GSN: variants seen among roughly 807,000 people sequenced by gnomAD.
GSN encodes gelsolin.
In GSN, 56 loss-of-function variants were observed where a neutral mutation model predicts 85.7. The ratio of observed to expected loss-of-function variants is 0.65; its 90% CI spans 0.53 to 0.82. The LOEUF (loss-of-function observed/expected upper bound fraction) is 0.82, where lower values mean the gene tolerates loss of function less well. GSN is among the 40% of genes least tolerant of loss of function. The pLI is 0.00. For missense variants in GSN, 857 were observed against 979.8 expected, an observed-to-expected ratio of 0.87 and a Z score of 1.67; for synonymous variants, 373 against 399.1, an observed-to-expected ratio of 0.93 and a Z score of 0.78.
chr9:121,310,161 G>T (rs2060926878), intron 4 of GSN: 2 of 169,608 alleles, frequency 1.2e-5, no homozygotes, highest in Non-Finnish European at 2.6e-5. Context: ...AGGCAAGCAG[G>T]TGTATTCACC....
intron 4 of GSN, among the ~76,000 whole-genome samples, chr9:121,229,473 G>A (rs190783506): frequency 3.3e-5 from 5 of 152,294 alleles, no homozygotes; most frequent in African/African-American, 9.6e-5. Flanking sequence ...ACCCGCCTCA[G>A]CTTCCCAAAG....
intron 2 of GSN, chr9:121,286,455 C>T (rs988195847): frequency 2.7e-6 from 2 of 727,676 alleles, no homozygotes; most frequent in African/African-American, 1.8e-5. Context: ...TTTACGCTTC[C>T]TTGTGCAGGC....
chr9:121,321,002 TG>T (rs2133745954), intron 10 of GSN, among the ~76,000 whole-genome samples: 1 of 152,288 alleles, frequency 6.6e-6, no homozygotes, highest in African/African-American at 2.4e-5. Flanking sequence ...CCTTTGGAGC[TG>T]CCTTGACGAT....
chr9:121,317,058 G>A (rs763572581), intron 7 of GSN, 28 bp from the exon 8 acceptor site: 2 of 1,613,818 alleles, frequency 1.2e-6, no homozygotes, highest in African/African-American at 1.3e-5. Context: ...ACACTCATGT[G>A]CTGGTTCCTT....
chr9:121,222,881 T>C (rs2054195268), intron 4 of GSN: 1 of 151,434 alleles, frequency 6.6e-6, no homozygotes, highest in South Asian at 2.1e-4. Context: ...AGTGTGTGGT[T>C]TGACCTTGGA....
intron 4 of GSN, among the ~76,000 whole-genome samples, chr9:121,215,417 G>A (rs1474964158): frequency 2.0e-5 from 3 of 151,924 alleles, no homozygotes; most frequent in Admixed American, 1.3e-4. Context: ...AAAATTGGCC[G>A]GATTGGTGGC....
Position 121,326,655 on chromosome 9 carries a change from C to G in GSN, c.1560C>G (p.Asn520Lys). ...ASTRLFQVRANSAGATRAVEV... is the reference protein window; with the variant it reads ...ASTRLFQVRAKSAGATRAVEV... Reference sequence around the variant, plus strand: ...CCCGCCTCTTCCAGGTCCGCGCCAACAGCGCTGGAGCCACCCGGGCTGTTG... The same window carrying G: ...CCCGCCTCTTCCAGGTCCGCGCCAAGAGCGCTGGAGCCACCCGGGCTGTTG... The change falls in exon 13 of 18, where the codon AAC (asparagine) becomes AAG (lysine). Residue 520 changes from asparagine (N) to lysine (K), a missense_variant. Physicochemically the swap from Asn to Lys is moderately conservative, Grantham distance 94 (BLOSUM62 0). Coordinates refer to ENST00000432226, the MANE Select transcript of GSN (RefSeq NM_198252.3). 6.2e-7 allele frequency: 1 copy of G among 1,608,790 alleles called. No homozygotes were observed. Among genetic ancestry groups the G allele is most frequent in the East Asian group, 2.2e-5 (1 of 44,690 alleles).
rs566768757 is a variant in GSN at position 121,248,968 on chromosome 9, C to T, written c.-341+645C>T. ...TTAAGAAAGATCATTTAGAGGCCATCGTGTAGTGGATGATTAGCACGAGAT... is the reference window on the plus strand; with the variant it reads ...TTAAGAAAGATCATTTAGAGGCCATTGTGTAGTGGATGATTAGCACGAGAT... On this transcript the variant is annotated intron_variant, in intron 6 of 24. Transcript: ENST00000373823. Among the ~76,000 whole-genome samples, 4 of 152,172 alleles carry T rather than the reference C, an allele frequency of 2.6e-5. No individual in the cohort carries two copies. The South Asian group carries it at 8.3e-4, about 32-fold the overall frequency.
chr9:121,322,219 C>T (rs1005028801), intron 11 of GSN, among the ~76,000 whole-genome samples: 1 of 151,970 alleles, frequency 6.6e-6, no homozygotes, highest in Admixed American at 6.6e-5. Context: ...AGTAACTCTT[C>T]GTGAAAAAAA....
chr9:121,310,676 C>A lies in GSN; in HGVS notation c.352-8C>A, dbSNP rs779179398. The A allele has an allele frequency of 3.1e-6, 5 of 1,613,854 alleles. No individual in the cohort carries two copies. Among genetic ancestry groups the A allele is most frequent in the Non-Finnish European group, 8.5e-7 (1 of 1,179,784 alleles). On this transcript the variant is annotated splice_polypyrimidine_tract_variant and splice_region_variant and intron_variant, in intron 4 of 17. Coordinates refer to ENST00000432226, the MANE Select transcript of GSN (RefSeq NM_198252.3). ...CCCTGGGCTAATGCTGTCTCTTTGG[C>A]CCCACAGAAAGGAGGTGTGGCATCA...
At chr9:121,302,445 G>A (rs1044553985) in intron 3 of GSN, among the ~76,000 whole-genome samples, 5 of 152,146 alleles carry the variant, frequency 3.3e-5, no homozygotes, top group African/African-American at 1.2e-4. Flanking sequence ...TGTTGTGAGC[G>A]TTAAACACCT....
chr9:121,288,046 C>G (rs958888320), intron 2 of GSN, among the ~76,000 whole-genome samples: 3 of 152,194 alleles, frequency 2.0e-5, no homozygotes, highest in Non-Finnish European at 4.4e-5. Flanking sequence ...CCCACCTCAG[C>G]CTCCCGAGTA....
intron 4 of GSN, among the ~76,000 whole-genome samples, chr9:121,223,975 T>C (rs951019170): frequency 6.6e-6 from 1 of 152,002 alleles, no homozygotes; most frequent in Non-Finnish European, 1.5e-5. Context: ...TTTTTTGTTT[T>C]TGTTTTTTAA....
At chr9:121,310,433 A>G in intron 4 of GSN, 1 of 509,170 alleles carries the variant, frequency 2.0e-6, no homozygotes, top group Admixed American at 3.1e-5. Context: ...TGGGCAGGGA[A>G]TCTCTCACTT....
intron 5 of GSN, among the ~76,000 whole-genome samples, chr9:121,247,094 T>G (rs1200136170): frequency 6.6e-6 from 1 of 152,108 alleles, no homozygotes; most frequent in Non-Finnish European, 1.5e-5. Context: ...AATGATGCCT[T>G]GGGCAGGTTG....
At chr9:121,201,763 TGGCAG>T in the GSN span, 1 of 152,976 alleles carries the variant, frequency 6.5e-6, no homozygotes, top group Non-Finnish European at 1.5e-5. Flanking sequence ...GCAGGTACAC[TGGCAG>T]GCCGAGAGGT....
Position 121,329,383 on chromosome 9 carries a change from T to C in GSN, c.1965+68T>C. 1.0e-6 allele frequency: 1 copy of C among 974,900 alleles called. No homozygotes were observed. The highest frequency in any genetic ancestry group is 1.7e-6 in the Non-Finnish European group (1 of 597,268). 60.4% of individuals were successfully genotyped at this position (974,900 alleles called of 1,614,324 possible). On this transcript the variant is annotated intron_variant, in intron 16 of 17. Coordinates refer to ENST00000432226, the MANE Select transcript of GSN (RefSeq NM_198252.3). This position sits in a 1 kb window ranked among gnomAD's most constrained non-coding sequence, Gnocchi z 4.6. ...GGGAGAAACTAGACTTCCAGTTCTA[T>C]GATCAGTTGCTAGAAGGACCTAAAG...
chr9:121,224,688 A>G (rs1367002441), intron 4 of GSN, among the ~76,000 whole-genome samples: 1 of 151,530 alleles, frequency 6.6e-6, no homozygotes, highest in Non-Finnish European at 1.5e-5. Context: ...CATCAGTAGT[A>G]AACTCGTCCT....
chr9:121,212,155 G>A (rs940234135), intron 4 of GSN, among the ~76,000 whole-genome samples: 4 of 151,992 alleles, frequency 2.6e-5, no homozygotes, highest in South Asian at 2.1e-4. Flanking sequence ...CTCATAATGC[G>A]ATAAAAAAAC....
Sources: allele counts gnomAD v4.1 joint callset (sites outside exome capture counted in the v4.1 genomes callset), GRCh38; gene constraint gnomAD v4.1.1; non-coding constraint Gnocchi (gnomAD v3.1); transcripts MANE v1.5; gene names NCBI Gene and HGNC (gene_info 2026-07-23, HGNC 2026-07-21).